The following PRMT7 variants were observed in gnomAD, a reference collection of about 807,000 sequenced individuals.
The protein encoded by PRMT7 is protein arginine N-methyltransferase 7.
Under a neutral mutation model 85.4 loss-of-function variants are expected in PRMT7, and 75 were observed. The ratio of observed to expected loss-of-function variants is 0.88; its 90% CI spans 0.73 to 1.06. The LOEUF (loss-of-function observed/expected upper bound fraction) is 1.06. PRMT7 is among the 50% of genes least tolerant of loss of function. The pLI is 0.00. For synonymous variants in PRMT7, 397 were observed against 359.5 expected, an observed-to-expected ratio of 1.10 and a Z score of -1.18; for missense variants, 868 against 915.2, an observed-to-expected ratio of 0.95 and a Z score of 0.67.
At chr16:68,314,799 G>A (rs1488650414) in intron 2 of PRMT7, among the ~76,000 whole-genome samples, 1 of 152,108 alleles carries the variant, frequency 6.6e-6, no homozygotes, top group African/African-American at 2.4e-5. Flanking sequence ...GAGCGGTGGT[G>A]TTTCTCTCCC....
chr16:68,335,256 G>A (rs932143151), intron 6 of PRMT7, among the ~76,000 whole-genome samples: 1 of 152,208 alleles, frequency 6.6e-6, no homozygotes, highest in African/African-American at 2.4e-5. Context: ...CTGTTACGGG[G>A]CACTAGACCT....
At chr16:68,347,822 C>A in intron 13 of PRMT7, 144 bp downstream of exon 13, 1 of 682,610 alleles carries the variant, frequency 1.5e-6, no homozygotes, top group Non-Finnish European at 2.5e-6. Flanking sequence ...GCCTGGAGAG[C>A]AGCCAGAGGC....
intron 16 of PRMT7, chr16:68,354,698 C>A (rs1249905393): frequency 6.5e-6 from 1 of 152,826 alleles, no homozygotes; most frequent in Non-Finnish European, 1.5e-5. Flanking sequence ...TCATGGCCTG[C>A]CCACCCTGGC....
In PRMT7 at chr16:68,348,338, T is replaced by C. The variant is rs1164474357; in HGVS notation, c.1324-4T>C. ...TACAGTAATTTTACGGTTTTCTTTC[T>C]AAGATCTTCAAGGCTAACCACTTGG... On this transcript the variant is annotated splice_polypyrimidine_tract_variant and splice_region_variant and intron_variant, in intron 13 of 18. Coordinates refer to ENST00000441236, the MANE Select transcript of PRMT7 (RefSeq NM_019023.5). 1 of 1,591,842 alleles carries C rather than the reference T, an allele frequency of 6.3e-7. No individual in the cohort carries two copies. Among genetic ancestry groups the C allele is most frequent in the Admixed American group, 1.7e-5 (1 of 59,524 alleles).
chr16:68,353,308 A>G (rs550060561), intron 15 of PRMT7, 184 bp from the exon 16 acceptor site: 2 of 1,328,676 alleles, frequency 1.5e-6, no homozygotes, highest in Non-Finnish European at 2.0e-6. Flanking sequence ...CAGAGCTTGC[A>G]GGTTCCCGCC....
At chr16:68,356,848 G>A (rs753816897) in intron 18 of PRMT7, 51 bp downstream of exon 18, 6 of 1,538,062 alleles carry the variant, frequency 3.9e-6, no homozygotes, top group Middle Eastern at 2.3e-4. Context: ...GAGAGCAGGC[G>A]CCGCCTGGGG....
intron 10 of PRMT7, 68 bp downstream of exon 10, chr16:68,345,870 A>C (rs2086281283): frequency 6.2e-7 from 1 of 1,600,882 alleles, no homozygotes; most frequent in Non-Finnish European, 8.5e-7. Context: ...CCATTTACAG[A>C]TCCTCTGGAG....
chr16:68,347,490 G>A, intron 12 of PRMT7, 141 bp from the exon 13 acceptor site: 3 of 1,054,768 alleles, frequency 2.8e-6, no homozygotes, highest in Non-Finnish European at 4.2e-6. Flanking sequence ...TGGTGTTCAG[G>A]CTGCCCCAGG....
intron 17 of PRMT7, 87 bp from the exon 18 acceptor site, chr16:68,356,614 A>T: frequency 1.0e-6 from 1 of 977,924 alleles, no homozygotes; most frequent in South Asian, 1.5e-5. Flanking sequence ...GGAAGACCAC[A>T]GGTTTCTGGA....
chr16:68,328,511 CAAAA>C (rs55740206), intron 5 of PRMT7: 7 of 55,202 alleles, frequency 1.3e-4, no homozygotes, highest in Non-Finnish European at 2.5e-4. Flanking sequence ...GTATGTATAG[CAAAA>C]AAAAAAAAAA....
At chr16:68,334,001 C>A (rs1462602282) in intron 6 of PRMT7, among the ~76,000 whole-genome samples, 1 of 152,144 alleles carries the variant, frequency 6.6e-6, no homozygotes, top group African/African-American at 2.4e-5. Context: ...GAACTCATGA[C>A]CTCAAGCGAT....
intron 3 of PRMT7, among the ~76,000 whole-genome samples, chr16:68,319,985 T>C (rs2082308218): frequency 6.6e-6 from 1 of 152,162 alleles, no homozygotes; most frequent in Admixed American, 6.6e-5. Flanking sequence ...GTGAACTCTT[T>C]AGTTTTCCCT....
chr16:68,329,758 A>G (rs1240390470), intron 6 of PRMT7, among the ~76,000 whole-genome samples: 1 of 152,088 alleles, frequency 6.6e-6, no homozygotes, highest in Admixed American at 6.6e-5. Flanking sequence ...AGTCCCAGCT[A>G]CTGGAGAGGC....
intron 18 of PRMT7, 65 bp from the exon 19 acceptor site, chr16:68,356,989 G>C (rs1217733401): frequency 1.1e-5 from 17 of 1,519,340 alleles, no homozygotes; most frequent in Non-Finnish European, 1.5e-5. Flanking sequence ...TGGGCTGGAG[G>C]CTGGCTAGGA....
In PRMT7 at chr16:68,311,121, G is replaced by A. The variant is rs186374132; in HGVS notation, c.-219+22G>A. The A allele has an allele frequency of 3.5e-3, 2,395 of 688,620 alleles. 46 individuals carry two copies. In the African/African-American group the frequency reaches 0.038, roughly 11 times the overall value. 42.7% of individuals were successfully genotyped at this position (688,620 alleles called of 1,614,324 possible). A position where few individuals can be genotyped will look rare whatever the true frequency, so the allele number is the denominator to read the frequency against. Reference sequence around the variant, plus strand: ...GCGGGTGAGGCGCTGGGTATGCTGGGAAGGTGGGGTCGCTTTGGGGTTCTG... The same window carrying A: ...GCGGGTGAGGCGCTGGGTATGCTGGAAAGGTGGGGTCGCTTTGGGGTTCTG... On this transcript the variant is annotated intron_variant, in intron 1 of 18. Transcript: ENST00000441236.
chr16:68,339,263 A>G (rs1040714598), intron 7 of PRMT7, 59 bp from the exon 8 acceptor site: 64 of 1,602,092 alleles, frequency 4.0e-5, no homozygotes, highest in Middle Eastern at 1.8e-4. Flanking sequence ...GATCAATGGG[A>G]ATTACTGTGG....
rs562329434 is a variant in PRMT7, at chr16:68,321,179, G to A, written c.96-247G>A. On this transcript the variant is annotated intron_variant, in intron 3 of 18. Transcript: ENST00000441236. ...AGCTACCTGGGAGGCTGAGGCATGA[G>A]AATCACTTGAACTTGGGAGGCAGAG... Among the ~76,000 whole-genome samples the A allele has an allele frequency of 5.9e-5, 9 of 152,066 alleles. No individual in the cohort carries two copies. The South Asian group carries it at 1.9e-3, about 32-fold the overall frequency.
Position 68,355,867 on chromosome 16 carries a change from A to C in PRMT7, c.1795A>C (p.Thr599Pro). ...CCTGCAGCCCCTGTGTGCCGAGGGCACCGTGGAGCTCAGAAGGTGGGTGCA... is the reference window on the plus strand; with the variant it reads ...CCTGCAGCCCCTGTGTGCCGAGGGCCCCGTGGAGCTCAGAAGGTGGGTGCA... ...VPLQPLCAEG[T>P]VELRRPGQSH... is the part of the protein sequence containing the mutation. Residue 599 changes from threonine to proline, a missense_variant, in exon 17 of 19, where the codon ACC (threonine) becomes CCC (proline). Coordinates refer to ENST00000441236, the MANE Select transcript of PRMT7 (RefSeq NM_019023.5). 1.2e-6 allele frequency: 2 copies of C among 1,602,278 alleles called. No homozygotes were observed. Among genetic ancestry groups the C allele is most frequent in the Non-Finnish European group, 1.7e-6 (2 of 1,176,554 alleles).
intron 1 of PRMT7, 62 bp downstream of exon 1, chr16:68,311,161 G>A (rs1646338838): frequency 1.6e-6 from 1 of 631,372 alleles, no homozygotes; most frequent in Non-Finnish European, 2.9e-6. Context: ...CAGCGAGCAT[G>A]GTGTCCTTGG....
Sources: allele counts gnomAD v4.1 joint callset (sites outside exome capture counted in the v4.1 genomes callset), GRCh38; gene constraint gnomAD v4.1.1; transcripts MANE v1.5; gene names NCBI Gene and HGNC (gene_info 2026-07-23, HGNC 2026-07-21).